The following DCAF12 variants were observed in gnomAD, a reference collection of about 807,000 sequenced individuals.
The protein encoded by DCAF12 is DDB1 and CUL4 associated factor 12.
A neutral mutation model predicts 52.8 loss-of-function variants in DCAF12; 28 were observed. The ratio of observed to expected loss-of-function variants is 0.53; its 90% CI spans 0.39 to 0.73. The LOEUF (loss-of-function observed/expected upper bound fraction) is 0.73. Ranked by LOEUF, DCAF12 falls within the 30% of genes least tolerant of loss-of-function variation. DCAF12 has a pLI of 0.00. For missense variants in DCAF12, 425 were observed against 552.2 expected, an observed-to-expected ratio of 0.77 and a Z score of 2.31; for synonymous variants, 196 against 215.5, an observed-to-expected ratio of 0.91 and a Z score of 0.79.
intron 2 of DCAF12, among the ~76,000 whole-genome samples, chr9:34,113,618 G>A (rs569488073): frequency 6.6e-6 from 1 of 152,228 alleles, no homozygotes; most frequent in African/African-American, 2.4e-5. Flanking sequence ...GGGATTACAA[G>A]CATGAGCCAC....
chr9:34,099,742 C>T (rs935728781), intron 4 of DCAF12, among the ~76,000 whole-genome samples: 4 of 151,356 alleles, frequency 2.6e-5, no homozygotes, highest in Admixed American at 6.6e-5. Flanking sequence ...TACAGGCACA[C>T]GTCACCATGC....
chr9:34,089,456 G>C lies in DCAF12; in HGVS notation c.1159C>G (p.Leu387Val). ...GTTAGTTTCAGATTCTCCCCTGCTA[G>C]TCTGGGCTTGGACCCATAACAAGCT... is the stretch of plus-strand genomic sequence containing the variant. ...LSACYGSKPR[L>V]AGENLKLTTG... Residue 387 changes from leucine to valine, a missense_variant, in exon 8 of 9, where the codon CTA (leucine) becomes GTA (valine). Around this residue, in one of 3 missense-constraint regions of DCAF12, gnomAD observed 328 missense variants for 444.4 expected, o/e 0.74. Coordinates refer to ENST00000361264, the MANE Select transcript of DCAF12 (RefSeq NM_015397.4). 1 of 1,614,120 alleles carries C rather than the reference G, an allele frequency of 6.2e-7. No individual in the cohort carries two copies.
intron 2 of DCAF12, among the ~76,000 whole-genome samples, chr9:34,110,873 G>A (rs1273607252): frequency 2.6e-5 from 4 of 151,846 alleles, no homozygotes; most frequent in African/African-American, 7.3e-5. Flanking sequence ...TCAAACTCTA[G>A]AAATAATTGC....
intron 2 of DCAF12, among the ~76,000 whole-genome samples, chr9:34,120,535 G>A (rs1050955941): frequency 1.2e-4 from 18 of 151,696 alleles, no homozygotes; most frequent in Non-Finnish European, 1.8e-4. Context: ...GCCAGGCATG[G>A]TAGCACGCGC....
intron 2 of DCAF12, among the ~76,000 whole-genome samples, chr9:34,111,797 C>T (rs777609684): frequency 1.3e-5 from 2 of 152,104 alleles, no homozygotes; most frequent in Non-Finnish European, 2.9e-5. Context: ...GCCCGGGTGG[C>T]CACTTTTTAC....
intron 4 of DCAF12, among the ~76,000 whole-genome samples, chr9:34,100,155 C>T (rs1284903492): frequency 6.6e-6 from 1 of 151,676 alleles, no homozygotes; most frequent in African/African-American, 2.4e-5. Context: ...CTGCCTCAGC[C>T]TCCTGAGTAG....
At chr9:34,119,143 G>GCAAA (rs1272958664) in intron 2 of DCAF12, among the ~76,000 whole-genome samples, 1 of 152,140 alleles carries the variant, frequency 6.6e-6, no homozygotes, top group Non-Finnish European at 1.5e-5. Context: ...ACTAAGAGGA[G>GCAAA]CAACTCCTTT....
intron 2 of DCAF12, among the ~76,000 whole-genome samples, chr9:34,120,890 A>G (rs1206229794): frequency 6.6e-6 from 1 of 152,014 alleles, no homozygotes; most frequent in Non-Finnish European, 1.5e-5. Context: ...AAGGTGGCTC[A>G]CACCTGTAAT....
At chr9:34,113,605 G>A (rs967980256) in intron 2 of DCAF12, among the ~76,000 whole-genome samples, 3 of 152,084 alleles carry the variant, frequency 2.0e-5, no homozygotes, top group Non-Finnish European at 4.4e-5. Flanking sequence ...CTCCCAAAGT[G>A]CTGGGATTAC....
chr9:34,107,586 A>G (rs1484103849), intron 2 of DCAF12, 21 bp from the exon 3 acceptor site: 8 of 1,611,160 alleles, frequency 5.0e-6, no homozygotes, highest in Non-Finnish European at 5.9e-6. Flanking sequence ...AAATGGATAC[A>G]GAAGCTGAAC....
chr9:34,089,799 T>C, intron 7 of DCAF12: 2 of 437,268 alleles, frequency 4.6e-6, no homozygotes, highest in Non-Finnish European at 4.0e-6. Flanking sequence ...ATCCACACAC[T>C]GACAGAAACC....
At chr9:34,125,649 C>G (rs750421260) in intron 1 of DCAF12, 2 of 471,812 alleles carry the variant, frequency 4.2e-6, no homozygotes, top group South Asian at 3.1e-5. Context: ...CCCTCTCAGT[C>G]TGTACTCCCA....
intron 2 of DCAF12, among the ~76,000 whole-genome samples, chr9:34,121,200 C>A (rs1292160834): frequency 6.6e-6 from 1 of 151,988 alleles, no homozygotes; most frequent in Admixed American, 6.6e-5. Flanking sequence ...CTGACTAAAC[C>A]ACAAAAAGAT....
At chr9:34,089,868 G>A (rs1323797315) in intron 7 of DCAF12, 3 of 317,434 alleles carry the variant, frequency 9.5e-6, no homozygotes, top group Non-Finnish European at 1.7e-5. Flanking sequence ...GCTTTTGGCC[G>A]AAGACCATAA....
intron 2 of DCAF12, among the ~76,000 whole-genome samples, chr9:34,115,677 T>C (rs973582836): frequency 2.0e-5 from 3 of 151,774 alleles, no homozygotes; most frequent in African/African-American, 7.3e-5. Flanking sequence ...ATATATAGCT[T>C]GTAATACCAA....
intron 7 of DCAF12, chr9:34,089,869 A>T (rs1388223886): frequency 9.6e-6 from 3 of 313,300 alleles, no homozygotes; most frequent in Non-Finnish European, 1.8e-5. Context: ...CTTTTGGCCG[A>T]AGACCATAAG....
intron 2 of DCAF12, among the ~76,000 whole-genome samples, chr9:34,108,718 G>A (rs1260195637): frequency 6.6e-6 from 1 of 151,280 alleles, no homozygotes; most frequent in Non-Finnish European, 1.5e-5. Context: ...CCGAGGAGGC[G>A]GAGGTTGCAG....
At chr9:34,096,371 C>T (rs1299893644) in intron 6 of DCAF12, 4 of 229,202 alleles carry the variant, frequency 1.7e-5, no homozygotes, top group Admixed American at 1.0e-4. Context: ...GAGTGAGACC[C>T]TGTATTTATT....
chr9:34,096,591 G>A (rs988928812), intron 6 of DCAF12, 125 bp downstream of exon 6: 13 of 890,012 alleles, frequency 1.5e-5, no homozygotes, highest in East Asian at 5.5e-5. Context: ...GCATCAGAGC[G>A]AGACTCTGCC....
Sources: gnomAD v4.1 joint callset for allele counts (sites outside exome capture counted in the v4.1 genomes callset) on GRCh38, gnomAD v4.1.1 for gene constraint, gnomAD v4.1.1 regional missense constraint, MANE v1.5 for transcripts, NCBI Gene and HGNC (gene_info 2026-07-23, HGNC 2026-07-21) for gene names.